Variants in RCL1 observed in about 807,000 individuals in gnomAD.
RCL1 encodes the protein RNA 3'-terminal phosphate cyclase-like protein.
A neutral mutation model predicts 42.4 loss-of-function variants in RCL1; 24 were observed. The observed-to-expected ratio is 0.57, with a 90% CI of 0.41 to 0.80. The LOEUF is 0.80. RCL1 is among the 30% of genes least tolerant of loss of function. The probability of loss-of-function intolerance (pLI) is 0.00; values close to 1 mark genes in which losing one functional copy is unlikely to be tolerated. For synonymous variants in RCL1, 228 were observed against 177.3 expected, an observed-to-expected ratio of 1.29 and a Z score of -2.27; for missense variants, 578 against 467.9, an observed-to-expected ratio of 1.24 and a Z score of -2.17.
At position 4,827,002 on chromosome 9, in the gene RCL1, G is replaced by A. The variant is rs762346359; in HGVS notation, c.353G>A (p.Arg118Gln). The A allele has an allele frequency of 3.6e-5, 58 of 1,614,046 alleles. No individual in the cohort carries two copies. The highest frequency in any genetic ancestry group is 4.6e-5 in the Non-Finnish European group (54 of 1,180,046). The change falls in exon 3 of 9, where the codon CGA (arginine) becomes CAA (glutamine). Residue 118 changes from arginine (R) to glutamine (Q), a missense_variant. Transcript: ENST00000381750. ...AAGCACCCGTTAAAAATAGTTCTAC[G>A]AGGAGTGACCAATGATCAGGTTGAC... The part of the protein sequence containing the change: ...FMKHPLKIVL[R>Q]GVTNDQVDPS...
At chr9:4,831,068 A>T (rs747853484) in intron 3 of RCL1, among the ~76,000 whole-genome samples, 24 of 152,054 alleles carry the variant, frequency 1.6e-4, no homozygotes, top group Non-Finnish European at 3.1e-4. Context: ...GGAGACAGGG[A>T]ATTGTCTAGG....
At position 4,805,817 on chromosome 9, in the gene RCL1, G is replaced by C. The variant is rs1477795394; in HGVS notation, c.136+12590G>C. Among the ~76,000 whole-genome samples the C allele has an allele frequency of 2.0e-5, 3 of 152,202 alleles. No homozygotes were observed. The East Asian group carries it at 5.8e-4, about 29-fold the overall frequency. ...CTTTGTTCCCCAGAGGCCAGCAGCTGTGCTTGCCTTGTCAGTCTGGGGAAC... is the reference window on the plus strand; with the variant it reads ...CTTTGTTCCCCAGAGGCCAGCAGCTCTGCTTGCCTTGTCAGTCTGGGGAAC... On this transcript the variant is annotated intron_variant, in intron 1 of 8. Coordinates refer to ENST00000381750, the MANE Select transcript of RCL1 (RefSeq NM_005772.5).
At chr9:4,802,728 C>G (rs1484340748) in intron 1 of RCL1, among the ~76,000 whole-genome samples, 1 of 152,154 alleles carries the variant, frequency 6.6e-6, no homozygotes, top group Non-Finnish European at 1.5e-5. Flanking sequence ...AAATTTTATT[C>G]TGTCTTAAGC....
chr9:4,826,078 A>AAAAG (rs199517345), intron 2 of RCL1, among the ~76,000 whole-genome samples: 2,934 of 151,650 alleles, frequency 0.019, 87 homozygotes, highest in African/African-American at 0.066. Flanking sequence ...ATAAAGAAAA[A>AAAAG]AAAGAAAGAA....
chr9:4,835,516 C>T (rs146918929), intron 5 of RCL1, among the ~76,000 whole-genome samples: 5 of 152,198 alleles, frequency 3.3e-5, no homozygotes, highest in East Asian at 1.9e-4. Context: ...CCACTCTTTA[C>T]AGAACCTTGA....
At chr9:4,833,501 A>G (rs1817020174) in intron 4 of RCL1, among the ~76,000 whole-genome samples, 2 of 152,142 alleles carry the variant, frequency 1.3e-5, no homozygotes, top group Non-Finnish European at 2.9e-5. Context: ...TCTCCTCACA[A>G]CAGCTCCGCC....
At chr9:4,832,685 G>A (rs1241742977) in intron 3 of RCL1, among the ~76,000 whole-genome samples, 3 of 151,532 alleles carry the variant, frequency 2.0e-5, no homozygotes, top group African/African-American at 7.3e-5. Flanking sequence ...GCACATGCCT[G>A]TAGTCCCAGC....
intron 1 of RCL1, among the ~76,000 whole-genome samples, chr9:4,815,799 C>T (rs1816353795): frequency 1.3e-5 from 2 of 152,078 alleles, no homozygotes; most frequent in Non-Finnish European, 2.9e-5. Flanking sequence ...GCAGCTTAGG[C>T]CTATGAGGAC....
intron 8 of RCL1, among the ~76,000 whole-genome samples, chr9:4,858,294 T>C (rs1275918513): frequency 6.6e-6 from 1 of 152,224 alleles, no homozygotes; most frequent in Non-Finnish European, 1.5e-5. Flanking sequence ...TCTCCAATCC[T>C]GTAGGTTGTT....
chr9:4,821,653 T>C (rs1816599683), intron 1 of RCL1, among the ~76,000 whole-genome samples: 1 of 152,082 alleles, frequency 6.6e-6, no homozygotes, highest in South Asian at 2.1e-4. Context: ...CATTTTTTTT[T>C]TTCCCCCCAG....
At chr9:4,857,084 A>C (rs1421750151) in intron 8 of RCL1, among the ~76,000 whole-genome samples, 1 of 152,250 alleles carries the variant, frequency 6.6e-6, no homozygotes, top group Non-Finnish European at 1.5e-5. Flanking sequence ...TTATTTTAAA[A>C]AGCTTTATTG....
In RCL1 at chr9:4,834,198, G is replaced by T. The variant is rs1292770621; in HGVS notation, c.517G>T (p.Val173Leu). 6.2e-7 allele frequency: 1 copy of T among 1,613,798 alleles called. No individual in the cohort carries two copies. Among genetic ancestry groups the T allele is most frequent in the Non-Finnish European group, 8.5e-7 (1 of 1,179,802 alleles). ...AGGCGAAGTGGTTTTCTCATGTCCT[G>T]TGAGGAAGGTCTTGAAGCCCATTCA... ...GGGEVVFSCP[V>L]RKVLKPIQLT... is the part of the protein sequence containing the mutation. Residue 173 changes from valine to leucine, a missense_variant, in exon 5 of 9, where the codon GTG becomes TTG. Transcript: ENST00000381750.
chr9:4,799,712 A>G (rs1448726297), intron 1 of RCL1, among the ~76,000 whole-genome samples: 1 of 152,076 alleles, frequency 6.6e-6, no homozygotes, highest in Non-Finnish European at 1.5e-5. Flanking sequence ...AATTAAAAAA[A>G]TTTTTAAAAA....
chr9:4,849,351 GATATT>G lies in RCL1; in HGVS notation c.868-93_868-89del. 5 of 837,170 alleles carry G rather than the reference GATATT, an allele frequency of 6.0e-6. No homozygotes were observed. In the South Asian group the frequency reaches 7.7e-5, roughly 13 times the overall value. The allele number at this position is 837,170 out of a possible 1,614,324, so 51.9% of individuals were successfully genotyped here. A position where few individuals can be genotyped will look rare whatever the true frequency, so the allele number is the denominator to read the frequency against. On this transcript the variant is annotated intron_variant, in intron 7 of 8. Transcript: ENST00000381750. ...TATTGTTGCTTGAACTTTGGATTTTGATATTATGAGTGTATGTTTCTGGTTTTTTT... is the reference window on the plus strand; with the variant it reads ...TATTGTTGCTTGAACTTTGGATTTTGATGAGTGTATGTTTCTGGTTTTTTT...
At chr9:4,809,151 A>C (rs1816079555) in intron 1 of RCL1, among the ~76,000 whole-genome samples, 1 of 152,220 alleles carries the variant, frequency 6.6e-6, no homozygotes, top group Admixed American at 6.5e-5. Flanking sequence ...CAGACATACC[A>C]ATTTATTTAA....
chr9:4,795,765 G>A (rs756132492), intron 1 of RCL1, among the ~76,000 whole-genome samples: 1 of 152,180 alleles, frequency 6.6e-6, no homozygotes, highest in Non-Finnish European at 1.5e-5. Flanking sequence ...AGTATGGGAG[G>A]CTTTCGGCCT....
Position 4,860,126 on chromosome 9 carries a change from A to T in RCL1, c.973A>T (p.Ile325Leu). 6.4e-7 allele frequency: 1 copy of T among 1,567,544 alleles called. No individual in the cohort carries two copies. Among genetic ancestry groups the T allele is most frequent in the Non-Finnish European group, 8.6e-7 (1 of 1,159,544 alleles). Residue 325 changes from isoleucine to leucine, a missense_variant and splice_region_variant, in exon 9 of 9, where the codon ATA (isoleucine) becomes TTA (leucine). By Grantham distance (5) the Ile-to-Leu change is conservative. Coordinates refer to ENST00000381750, the MANE Select transcript of RCL1 (RefSeq NM_005772.5). ...VLLGPLSPYT[I>L]EFLRHLKSFF... ...TTTATTTATTTTTTTCCTTTTTAGG[A>T]TAGAATTTTTGCGGCATTTGAAGAG...
chr9:4,835,247 A>G (rs908393127), intron 5 of RCL1, among the ~76,000 whole-genome samples: 24 of 152,230 alleles, frequency 1.6e-4, no homozygotes, highest in African/African-American at 5.1e-4. Context: ...GAACCCTGTG[A>G]GGCCACCAAA....
intron 1 of RCL1, among the ~76,000 whole-genome samples, chr9:4,796,716 T>C (rs1015669526): frequency 3.3e-5 from 5 of 152,216 alleles, no homozygotes; most frequent in African/African-American, 1.2e-4. Flanking sequence ...CATTCTTTTT[T>C]ATGGCTGTGT....
Sources: allele counts gnomAD v4.1 joint callset (sites outside exome capture counted in the v4.1 genomes callset), GRCh38; gene constraint gnomAD v4.1.1; transcripts MANE v1.5; gene names NCBI Gene and HGNC (gene_info 2026-07-23, HGNC 2026-07-21).